CEP290: variants seen among roughly 807,000 people sequenced by gnomAD.
CEP290 encodes the protein centrosomal protein 290.
Under a neutral mutation model 344.9 loss-of-function variants are expected in CEP290, and 317 were observed. That is an observed-to-expected ratio of 0.92 (90% CI 0.84 to 1.01). The LOEUF (loss-of-function observed/expected upper bound fraction) is 1.01, where lower values mean the gene tolerates loss of function less well. CEP290 is among the 50% of genes least tolerant of loss of function. CEP290 has a pLI of 0.00. For synonymous variants in CEP290, 932 were observed against 895.8 expected (o/e 1.04, Z -0.72); for missense variants, 2,754 against 2,761.4 (o/e 1.00, Z 0.06).
Position 88,105,332 on chromosome 12 carries a change from A to G in CEP290, c.2817+1343T>C, listed in dbSNP as rs1182062880. 2.0e-5 allele frequency among the ~76,000 whole-genome samples: 3 copies of G among 152,322 alleles called. No individual in the cohort carries two copies. In the South Asian group the frequency reaches 6.2e-4, roughly 32 times the overall value. ...CACATGGAATATTTAAAAATCTGTG[A>G]GTCTAATCTGATACTTAAAAAAGAG... On this transcript the variant is annotated intron_variant, in intron 25 of 53. Coordinates refer to ENST00000552810, the MANE Select transcript of CEP290 (RefSeq NM_025114.4).
chr12:88,088,235 T>C (rs758968417), intron 31 of CEP290, among the ~76,000 whole-genome samples: 1 of 152,188 alleles, frequency 6.6e-6, no homozygotes, highest in Non-Finnish European at 1.5e-5. Context: ...AAGCAGGTCA[T>C]TGGAACTTTG....
chr12:88,090,369 T>C (rs1328797179), intron 30 of CEP290, among the ~76,000 whole-genome samples: 1 of 152,180 alleles, frequency 6.6e-6, no homozygotes, highest in Non-Finnish European at 1.5e-5. Flanking sequence ...TGGTGGCTCA[T>C]ACCTGTAATC....
intron 20 of CEP290, among the ~76,000 whole-genome samples, chr12:88,113,408 T>A (rs910580466): frequency 1.3e-5 from 2 of 152,066 alleles, no homozygotes; most frequent in African/African-American, 4.8e-5. Flanking sequence ...GAGAAAGATA[T>A]AATGGGAATC....
chr12:88,140,659 A>C (rs568348288), intron 3 of CEP290, among the ~76,000 whole-genome samples: 1 of 152,194 alleles, frequency 6.6e-6, no homozygotes, highest in East Asian at 1.9e-4. Flanking sequence ...TCCCCTCTTA[A>C]CAAATCCCTA....
intron 49 of CEP290, among the ~76,000 whole-genome samples, chr12:88,056,304 A>T (rs902649487): frequency 5.3e-5 from 8 of 152,168 alleles, no homozygotes; most frequent in Non-Finnish European, 1.0e-4. Flanking sequence ...TAATTGAACC[A>T]AACAGTTCTG....
intron 51 of CEP290, 28 bp downstream of exon 51, chr12:88,054,312 A>T: frequency 2.0e-6 from 3 of 1,475,658 alleles, no homozygotes; most frequent in Non-Finnish European, 2.8e-6. Flanking sequence ...AGAAAAAAAC[A>T]AAGTAGTCAT....
chr12:88,118,864 A>G (rs1229267462), intron 15 of CEP290, 121 bp from the exon 16 acceptor site: 1 of 591,952 alleles, frequency 1.7e-6, no homozygotes, highest in African/African-American at 1.9e-5. Context: ...GAATGAGGTA[A>G]CTTTCTGTGA....
chr12:88,060,419 C>T (rs190494806), intron 47 of CEP290, among the ~76,000 whole-genome samples: 57 of 152,174 alleles, frequency 3.7e-4, no homozygotes, highest in African/African-American at 1.3e-3. Context: ...GTTAGCCAGG[C>T]GTGGTGGTGG....
chr12:88,079,774 T>A (rs932812522), intron 38 of CEP290, among the ~76,000 whole-genome samples: 1 of 152,124 alleles, frequency 6.6e-6, no homozygotes, highest in African/African-American at 2.4e-5. Context: ...TATGACCCCC[T>A]TTTTTCATCC....
rs1212886248 is a variant in CEP290 at position 88,107,073 on chromosome 12, A to G, written c.2509T>C (p.Ser837Pro). Residue 837 changes from serine (S) to proline (P), a missense_variant, in exon 24 of 54, where the codon TCT (serine) becomes CCT (proline). Transcript: ENST00000552810. ...LSEKETWKTESKTIKEEKRKL... is the reference protein window; with the variant it reads ...LSEKETWKTEPKTIKEEKRKL... ...CTCTTTTCCTCTTTTATTGTTTTAG[A>G]TTCTGTTTTCCAGGTCTCCTTTTCA... 1 of 1,549,736 alleles carries G rather than the reference A, an allele frequency of 6.5e-7. No individual in the cohort carries two copies.
intron 39 of CEP290, among the ~76,000 whole-genome samples, chr12:88,078,481 A>T (rs2035951360): frequency 6.6e-6 from 1 of 152,124 alleles, no homozygotes. Flanking sequence ...TGGAGACAGT[A>T]AAAAGATCAC....
intron 32 of CEP290, among the ~76,000 whole-genome samples, chr12:88,087,561 A>C (rs1382872322): frequency 6.6e-6 from 1 of 151,886 alleles, no homozygotes; most frequent in Admixed American, 6.6e-5. Context: ...TCTACTAAAA[A>C]TACAAAAAAT....
At chr12:88,055,785 C>A in intron 49 of CEP290, 68 bp from the exon 50 acceptor site, 1 of 1,074,666 alleles carries the variant, frequency 9.3e-7, no homozygotes, top group Non-Finnish European at 1.3e-6. Context: ...AAAGTCAGTT[C>A]AAATAACTGT....
chr12:88,085,357 A>C (rs1364954148), intron 34 of CEP290, among the ~76,000 whole-genome samples: 2 of 152,154 alleles, frequency 1.3e-5, no homozygotes, highest in East Asian at 3.8e-4. Context: ...CAAGAGGATT[A>C]AGGTGAGTAT....
At chr12:88,050,291 TAATGAA>T in intron 53 of CEP290, 57 bp downstream of exon 53, 1 of 770,804 alleles carries the variant, frequency 1.3e-6, no homozygotes, top group South Asian at 1.6e-5. Context: ...TTAAAGATGG[TAATGAA>T]AATAGTTTTC....
intron 42 of CEP290, 94 bp downstream of exon 42, chr12:88,071,687 T>C (rs2035386649): frequency 8.9e-6 from 9 of 1,016,726 alleles, no homozygotes; most frequent in East Asian, 2.8e-5. Context: ...AACTAGACCA[T>C]TTCTCATATT....
At chr12:88,139,751 A>C (rs545110016) in intron 3 of CEP290, among the ~76,000 whole-genome samples, 187 bp from the exon 4 acceptor site, 1 of 152,298 alleles carries the variant, frequency 6.6e-6, no homozygotes, top group South Asian at 2.1e-4. Context: ...CTTTTGAGAT[A>C]GGGCCTCACT....
At chr12:88,106,639 CAT>C (rs765501320) in intron 25 of CEP290, 34 bp downstream of exon 25, 57 of 1,424,556 alleles carry the variant, frequency 4.0e-5, no homozygotes, top group Non-Finnish European at 5.3e-5. Context: ...TGAAATTTTT[CAT>C]AGTCAGAAAA....
chr12:88,102,414 G>A lies in CEP290; in HGVS notation c.2991+424C>T, dbSNP rs578070872. Among the ~76,000 whole-genome samples the A allele has an allele frequency of 2.0e-5, 3 of 152,222 alleles. No individual in the cohort carries two copies. The South Asian group carries it at 6.2e-4, about 32-fold the overall frequency. Reference sequence around the variant, plus strand: ...TCCATTCCAAGGAACAAAAGCCAGGGACCATGGGAGAATAGTTTGTTCTGG... The same window carrying A: ...TCCATTCCAAGGAACAAAAGCCAGGAACCATGGGAGAATAGTTTGTTCTGG... On this transcript the variant is annotated intron_variant, in intron 26 of 53. Coordinates refer to ENST00000552810, the MANE Select transcript of CEP290 (RefSeq NM_025114.4).
Sources: gnomAD v4.1 joint callset for allele counts (sites outside exome capture counted in the v4.1 genomes callset) on GRCh38, gnomAD v4.1.1 for gene constraint, MANE v1.5 for transcripts, NCBI Gene and HGNC (gene_info 2026-07-23, HGNC 2026-07-21) for gene names.